TENM3: variants seen among roughly 807,000 people sequenced by gnomAD.
TENM3 encodes teneurin transmembrane protein 3.
A neutral mutation model predicts 255.1 loss-of-function variants in TENM3; 63 were observed. The ratio of observed to expected loss-of-function variants is 0.25; its 90% confidence interval spans 0.20 to 0.30. The LOEUF is 0.30. TENM3 is among the 10% of genes least tolerant of loss of function. The pLI, the probability that TENM3 is intolerant of heterozygous loss-of-function variation, is 1.00. For missense variants in TENM3, 2,929 were observed against 3,461.1 expected (o/e 0.85, Z 3.86); for synonymous variants, 1,306 against 1,322.3 (o/e 0.99, Z 0.27).
At chr4:181,852,229 G>A in the TENM3 span, among the ~76,000 whole-genome samples, 1 of 152,356 alleles carries the variant, frequency 6.6e-6, no homozygotes, top group Non-Finnish European at 1.5e-5. Context: ...GTGGACACCT[G>A]ATTGGCTGGA....
intron 3 of TENM3, among the ~76,000 whole-genome samples, chr4:182,422,834 T>C (rs1170671306): frequency 6.6e-6 from 1 of 152,198 alleles, no homozygotes; most frequent in Non-Finnish European, 1.5e-5. Flanking sequence ...ATTAACTCAC[T>C]TTTAGCAATT....
intron 24 of TENM3, among the ~76,000 whole-genome samples, chr4:182,784,492 T>A (rs1381589294): frequency 2.6e-5 from 4 of 151,534 alleles, no homozygotes; most frequent in Non-Finnish European, 5.9e-5. Flanking sequence ...CTGCAGAGGT[T>A]ACTGCTGTCT....
the TENM3 span, among the ~76,000 whole-genome samples, chr4:181,842,884 A>C: frequency 7.5e-4 from 114 of 152,312 alleles, 1 homozygote; most frequent in African/African-American, 2.1e-3. Flanking sequence ...ATTCAGAAGA[A>C]GCTCAGAAAT....
chr4:181,991,292 G>C, the TENM3 span, among the ~76,000 whole-genome samples: 12 of 152,020 alleles, frequency 7.9e-5, no homozygotes, highest in Non-Finnish European at 1.6e-4. Context: ...TCTTCTACTA[G>C]CAGACAGCAG....
chr4:182,447,925 AATG>A (rs1478137468), intron 3 of TENM3, among the ~76,000 whole-genome samples: 1 of 152,226 alleles, frequency 6.6e-6, no homozygotes, highest in Non-Finnish European at 1.5e-5. Flanking sequence ...ATGCAAAAAT[AATG>A]ATAATAGTGG....
chr4:182,448,272 A>G (rs1773097015), intron 3 of TENM3, among the ~76,000 whole-genome samples: 1 of 152,102 alleles, frequency 6.6e-6, no homozygotes, highest in South Asian at 2.1e-4. Flanking sequence ...GCCGAGGCCC[A>G]GGGGCGAGCG....
At chr4:182,138,650 C>A in the TENM3 span, among the ~76,000 whole-genome samples, 1 of 152,092 alleles carries the variant, frequency 6.6e-6, no homozygotes. Context: ...ATTTGGAGGA[C>A]GACAGGGTTT....
chr4:181,458,232 AT>A, the TENM3 span, among the ~76,000 whole-genome samples: 5 of 151,974 alleles, frequency 3.3e-5, no homozygotes, highest in Non-Finnish European at 5.9e-5. Flanking sequence ...GGAAAGTACT[AT>A]GTCTTAAATT....
the TENM3 span, among the ~76,000 whole-genome samples, chr4:181,555,989 CTT>C: frequency 1.3e-5 from 2 of 152,152 alleles, no homozygotes; most frequent in Non-Finnish European, 2.9e-5. Context: ...CCTTAAGGAA[CTT>C]TGACAAGTTC....
the TENM3 span, among the ~76,000 whole-genome samples, chr4:181,922,131 T>C: frequency 6.6e-6 from 1 of 152,180 alleles, no homozygotes; most frequent in East Asian, 1.9e-4. Context: ...CTGGATTCAG[T>C]TTGCCAGTAT....
chr4:181,729,268 G>A, the TENM3 span, among the ~76,000 whole-genome samples: 1 of 152,172 alleles, frequency 6.6e-6, no homozygotes, highest in East Asian at 1.9e-4. Context: ...GGCCTCGAAA[G>A]ACACTTAGGG....
chr4:182,799,638 G>A lies in TENM3; in HGVS notation c.7387G>A (p.Ala2463Thr). 1.3e-6 allele frequency: 2 copies of A among 1,546,296 alleles called. No individual in the cohort carries two copies. Among genetic ancestry groups the A allele is most frequent in the African/African-American group, 1.4e-5 (1 of 73,160 alleles). Residue 2463 changes from alanine (A) to threonine (T), a missense_variant, in exon 28 of 28, where the codon GCC (alanine) becomes ACC (threonine). Transcript: ENST00000511685. This position sits in a 1 kb window ranked among gnomAD's most constrained non-coding sequence, Gnocchi z 4.2. The part of the protein sequence containing the change: ...VQQQVARQAK[A>T]FLSLGKMAEV... ...GCAGCAAGTGGCGCGGCAGGCCAAGGCCTTCCTGTCGCTGGGGAAGATGGC... is the reference window on the plus strand; with the variant it reads ...GCAGCAAGTGGCGCGGCAGGCCAAGACCTTCCTGTCGCTGGGGAAGATGGC...
the TENM3 span, among the ~76,000 whole-genome samples, chr4:181,755,566 C>T: frequency 2.0e-5 from 3 of 152,042 alleles, no homozygotes; most frequent in East Asian, 3.9e-4. Context: ...AGTGACCATT[C>T]GGAAATCAGA....
At chr4:182,083,842 T>C in the TENM3 span, among the ~76,000 whole-genome samples, 1 of 152,134 alleles carries the variant, frequency 6.6e-6, no homozygotes, top group Admixed American at 6.6e-5. Context: ...ATAACTGAGG[T>C]TTGCCACAAA....
At chr4:181,719,176 G>T in the TENM3 span, among the ~76,000 whole-genome samples, 2 of 151,530 alleles carry the variant, frequency 1.3e-5, no homozygotes, top group Admixed American at 1.3e-4. Context: ...ACTGCAGTCC[G>T]CAGTCCGGCC....
At chr4:182,308,627 G>A (rs1370775979) in intron 1 of TENM3, among the ~76,000 whole-genome samples, 5 of 152,080 alleles carry the variant, frequency 3.3e-5, no homozygotes, top group Non-Finnish European at 5.9e-5. Flanking sequence ...GGTGTGAGCC[G>A]CTGTGCCCAA....
intron 2 of TENM3, among the ~76,000 whole-genome samples, chr4:182,327,929 C>A (rs545360818): frequency 6.6e-6 from 1 of 152,314 alleles, no homozygotes; most frequent in South Asian, 2.1e-4. Context: ...GCTCTGTGGG[C>A]TATGCACATG....
intron 3 of TENM3, among the ~76,000 whole-genome samples, chr4:182,386,633 C>T (rs971937091): frequency 2.0e-5 from 3 of 147,544 alleles, no homozygotes; most frequent in African/African-American, 4.9e-5. Flanking sequence ...TGGGCGTGGG[C>T]TTGGCGGGCC....
At chr4:182,762,139 C>T (rs28494195) in intron 22 of TENM3, among the ~76,000 whole-genome samples, 20,434 of 152,170 alleles carry the variant, frequency 0.13, 1,666 homozygotes, top group Non-Finnish European at 0.17. Context: ...ACAGATTAGT[C>T]AGATTTTCTC....
Sources: gnomAD v4.1 joint callset for allele counts (sites outside exome capture counted in the v4.1 genomes callset) on GRCh38, gnomAD v4.1.1 for gene constraint, Gnocchi (gnomAD v3.1) non-coding constraint, MANE v1.5 for transcripts, NCBI Gene and HGNC (gene_info 2026-07-23, HGNC 2026-07-21) for gene names.